SPECC1L: variants seen among roughly 807,000 people sequenced by gnomAD.
SPECC1L encodes sperm antigen with calponin homology and coiled-coil domains 1 like.
SPECC1L carries 40 observed loss-of-function variants against 116.8 expected under a neutral mutation model. The observed-to-expected ratio is 0.34, with a 90% CI of 0.27 to 0.45. The LOEUF is 0.45. SPECC1L is among the 20% of genes least tolerant of loss of function. The pLI is 1.00. For synonymous variants in SPECC1L, 504 were observed against 500.6 expected, an observed-to-expected ratio of 1.01 and a Z score of -0.09; for missense variants, 1,110 against 1,373.6, an observed-to-expected ratio of 0.81 and a Z score of 3.03.
chr22:24,411,581 C>G lies in SPECC1L; in HGVS notation c.3088-7C>G. On this transcript the variant is annotated splice_region_variant and splice_polypyrimidine_tract_variant and intron_variant, in intron 14 of 16. Transcript: ENST00000314328. ...GTTGGTTACATGTTTTTCTTCCTTT[C>G]CTTCAGAATATTGACATTACAAACT... is the stretch of plus-strand genomic sequence containing the variant. 6.2e-7 allele frequency: 1 copy of G among 1,613,092 alleles called. No individual in the cohort carries two copies. The highest frequency in any genetic ancestry group is 8.5e-7 in the Non-Finnish European group (1 of 1,179,088).
At chr22:24,290,773 A>G (rs764077261) in intron 2 of SPECC1L, among the ~76,000 whole-genome samples, 24 of 152,250 alleles carry the variant, frequency 1.6e-4, no homozygotes, top group Non-Finnish European at 2.9e-4. Flanking sequence ...TGTGTACATA[A>G]AATGCACCTT....
At chr22:24,372,290 G>A (rs558285767) in intron 14 of SPECC1L, among the ~76,000 whole-genome samples, 1 of 152,284 alleles carries the variant, frequency 6.6e-6, no homozygotes, top group African/African-American at 2.4e-5. Flanking sequence ...TATGAGGCCA[G>A]CATCATCCTG....
chr22:24,281,775 G>A (rs1275929001), intron 2 of SPECC1L, among the ~76,000 whole-genome samples: 2 of 152,190 alleles, frequency 1.3e-5, no homozygotes, highest in East Asian at 3.9e-4. Flanking sequence ...CCTTTTATTT[G>A]TTTTTCCTTC....
At chr22:24,400,092 A>G (rs1384189218) in intron 14 of SPECC1L, among the ~76,000 whole-genome samples, 2 of 152,216 alleles carry the variant, frequency 1.3e-5, no homozygotes, top group Non-Finnish European at 2.9e-5. Flanking sequence ...AAACATATGT[A>G]ACAAAAATTT....
Position 24,412,693 on chromosome 22 carries a change from A to G in SPECC1L, c.3250A>G (p.Ile1084Val). The stretch of plus-strand genomic sequence containing the variant: ...TTTCCAGGCAGCTGAAAGTGTCGGC[A>G]TCAAATCCACACTGGTGAGCCCTTG... ...LAFQAAESVG[I>V]KSTLDINEMV... The change falls in exon 16 of 17, where the codon ATC becomes GTC. Residue 1084 changes from isoleucine (I) to valine (V), a missense_variant. By Grantham distance (29) the Ile-to-Val change is conservative (BLOSUM62 3). Coordinates refer to ENST00000314328, the MANE Select transcript of SPECC1L (RefSeq NM_015330.6). 6.2e-7 allele frequency: 1 copy of G among 1,614,160 alleles called. No homozygotes were observed. The highest frequency in any genetic ancestry group is 8.5e-7 in the Non-Finnish European group (1 of 1,180,052).
In SPECC1L at chr22:24,406,617, G is replaced by A. The variant is rs2042596100; in HGVS notation, c.3088-4971G>A. Among the ~76,000 whole-genome samples, 4 of 152,162 alleles carry A rather than the reference G, an allele frequency of 2.6e-5. No homozygotes were observed. In the South Asian group the frequency reaches 8.3e-4, roughly 31 times the overall value. ...GTAGGGGGTGGAGAAGGCCTCACTGGGTGCTGGTCACACCTGCAGAGCAAA... is the reference window on the plus strand; with the variant it reads ...GTAGGGGGTGGAGAAGGCCTCACTGAGTGCTGGTCACACCTGCAGAGCAAA... On this transcript the variant is annotated intron_variant, in intron 14 of 16. Coordinates refer to ENST00000314328, the MANE Select transcript of SPECC1L (RefSeq NM_015330.6).
rs533627153 is a variant in SPECC1L, at chr22:24,279,948, A to G, written c.-38+3145A>G. ...ATTGTGAAGTGACAAGTTCTCTTCT[A>G]TTTTCCTTCTGCCCCTCATCACCTT... On this transcript the variant is annotated intron_variant, in intron 2 of 16. Transcript: ENST00000314328. Among the ~76,000 whole-genome samples the G allele has an allele frequency of 2.4e-4, 36 of 152,272 alleles. 1 individual carries two copies. The highest frequency in any genetic ancestry group is 2.3e-3 in the Admixed American group (35 of 15,292).
At chr22:24,298,254 A>G (rs1341221597) in intron 2 of SPECC1L, among the ~76,000 whole-genome samples, 3 of 152,196 alleles carry the variant, frequency 2.0e-5, no homozygotes, top group Non-Finnish European at 4.4e-5. Flanking sequence ...TATGACGTTC[A>G]GTAGGTAAAG....
At chr22:24,401,280 T>C (rs902825652) in intron 14 of SPECC1L, among the ~76,000 whole-genome samples, 37 of 152,234 alleles carry the variant, frequency 2.4e-4, no homozygotes, top group African/African-American at 8.4e-4. Context: ...TCCTACAGAG[T>C]GACCCACAGT....
At chr22:24,380,537 C>T (rs1464094321) in intron 14 of SPECC1L, among the ~76,000 whole-genome samples, 1 of 152,200 alleles carries the variant, frequency 6.6e-6, no homozygotes, top group African/African-American at 2.4e-5. Flanking sequence ...CGTTAACTCT[C>T]TTAAGAGTCA....
chr22:24,333,664 G>A (rs2040985919), intron 8 of SPECC1L, among the ~76,000 whole-genome samples: 1 of 151,306 alleles, frequency 6.6e-6, no homozygotes, highest in African/African-American at 2.4e-5. Context: ...TGTATTAGCT[G>A]GAGCCAGTAT....
rs540631150 is a variant in SPECC1L at position 24,328,728 on chromosome 22, A to C, written c.2147-118A>C. The C allele has an allele frequency of 1.3e-4, 88 of 685,740 alleles. No individual in the cohort carries two copies. The African/African-American group carries it at 1.6e-3, about 12-fold the overall frequency. 42.5% of individuals were successfully genotyped at this position (685,740 alleles called of 1,614,324 possible). A position where few individuals can be genotyped will look rare whatever the true frequency, so the allele number is the denominator to read the frequency against. On this transcript the variant is annotated intron_variant, in intron 6 of 16. Coordinates refer to ENST00000314328, the MANE Select transcript of SPECC1L (RefSeq NM_015330.6). Reference sequence around the variant, plus strand: ...TTAAAGTTTTGTATTAAAATTTTTTATAGTCTTTGGACAGGATAACTTTTT... The same window carrying C: ...TTAAAGTTTTGTATTAAAATTTTTTCTAGTCTTTGGACAGGATAACTTTTT...
rs62233094 is a variant in SPECC1L, at chr22:24,303,099, A to G, written c.153+715A>G. On this transcript the variant is annotated intron_variant, in intron 3 of 16. Coordinates refer to ENST00000314328, the MANE Select transcript of SPECC1L (RefSeq NM_015330.6). ...TCAGCCTCTCGAGTAGCTGGACTAG[A>G]GGTGTGCGTATGCATGCACAACTGG... 7.8e-3 allele frequency among the ~76,000 whole-genome samples: 1,186 copies of G among 152,206 alleles called. 9 individuals are homozygous for G. Among genetic ancestry groups the G allele is most frequent in the South Asian group, 0.024 (116 of 4,818 alleles).
intron 14 of SPECC1L, among the ~76,000 whole-genome samples, chr22:24,370,203 A>G (rs553299012): frequency 3.3e-5 from 5 of 152,360 alleles, no homozygotes; most frequent in African/African-American, 9.6e-5. Context: ...TCACTTTTGG[A>G]TGAATTTGTA....
At position 24,338,300 on chromosome 22, in the gene SPECC1L, G is replaced by T. The variant is rs199781681; in HGVS notation, c.2561-86G>T. 4.6e-6 allele frequency: 6 copies of T among 1,309,676 alleles called. No homozygotes were observed. The East Asian group carries it at 1.4e-4, about 31-fold the overall frequency. The allele number at this position is 1,309,676 out of a possible 1,614,324, so 81.1% of individuals were successfully genotyped here. On this transcript the variant is annotated intron_variant, in intron 9 of 16. Coordinates refer to ENST00000314328, the MANE Select transcript of SPECC1L (RefSeq NM_015330.6). ...GTCCAGCGGGGTTTGAGAGCATTGG[G>T]TAATCAGGCGAGTCCTTAAGTGGAG...
intron 13 of SPECC1L, among the ~76,000 whole-genome samples, chr22:24,366,293 A>T (rs932848134): frequency 6.6e-6 from 1 of 151,892 alleles, no homozygotes; most frequent in East Asian, 1.9e-4. Context: ...CCTGGGGTTC[A>T]TGCCATTCTC....
Position 24,328,935 on chromosome 22 carries a change from A to G in SPECC1L, c.2220+16A>G. On this transcript the variant is annotated intron_variant, in intron 7 of 16. Transcript: ENST00000314328. ...AAGACTTCGGGTAGGATAAATCTTC[A>G]TGTATTGTCTTGTTAGAAAACGGTT... is the stretch of plus-strand genomic sequence containing the variant. 2.5e-6 allele frequency: 4 copies of G among 1,586,138 alleles called. No homozygotes were observed. Among genetic ancestry groups the G allele is most frequent in the Non-Finnish European group, 3.5e-6 (4 of 1,154,638 alleles).
At chr22:24,373,324 C>T (rs1328176835) in intron 14 of SPECC1L, among the ~76,000 whole-genome samples, 1 of 152,186 alleles carries the variant, frequency 6.6e-6, no homozygotes, top group Non-Finnish European at 1.5e-5. Context: ...CAAGTCAATC[C>T]TAAGCCAAAA....
chr22:24,273,344 A>G (rs1235787698), intron 1 of SPECC1L, among the ~76,000 whole-genome samples: 2 of 152,230 alleles, frequency 1.3e-5, no homozygotes, highest in Non-Finnish European at 2.9e-5. Flanking sequence ...AAAAAAGGAC[A>G]ATATTGGGAG....
Sources: allele counts gnomAD v4.1 joint callset (sites outside exome capture counted in the v4.1 genomes callset), GRCh38; gene constraint gnomAD v4.1.1; transcripts MANE v1.5; gene names NCBI Gene and HGNC (gene_info 2026-07-23, HGNC 2026-07-21).